The following SPON1 variants were observed in gnomAD, a reference collection of about 807,000 sequenced individuals.
SPON1 encodes the protein spondin 1, also known as spondin-1.
SPON1 carries 52 observed loss-of-function variants against 111.7 expected under a neutral mutation model. The ratio of observed to expected loss-of-function variants is 0.47; its 90% confidence interval spans 0.37 to 0.59. The LOEUF is 0.59. Among genes scored for constraint, SPON1 ranks in the 20% least tolerant of loss-of-function variants. The pLI is 0.00. For synonymous variants in SPON1, 410 were observed against 395.8 expected (o/e 1.04, Z -0.43); for missense variants, 957 against 1,068.5 (o/e 0.90, Z 1.46).
At chr11:14,172,380 G>A (rs1192609008) in intron 6 of SPON1, among the ~76,000 whole-genome samples, 8 of 151,514 alleles carry the variant, frequency 5.3e-5, no homozygotes, top group African/African-American at 1.9e-4. Context: ...TTGAGCCTAT[G>A]TGTGTCTCTG....
chr11:14,156,251 G>A lies in SPON1; in HGVS notation c.825+20683G>A, dbSNP rs190950557. On this transcript the variant is annotated intron_variant, in intron 6 of 15. Coordinates refer to ENST00000576479, the MANE Select transcript of SPON1 (RefSeq NM_006108.4). ...GCATTTCTCTGATGGCCGTGATGGTGAGCATTTTTTTCATGTGTTTTTTGG... is the reference window on the plus strand; with the variant it reads ...GCATTTCTCTGATGGCCGTGATGGTAAGCATTTTTTTCATGTGTTTTTTGG... Among the ~76,000 whole-genome samples, 1,263 of 146,980 alleles carry A rather than the reference G, an allele frequency of 8.6e-3. 20 individuals carry two copies. Among genetic ancestry groups the A allele is most frequent in the African/African-American group, 0.03 (1,180 of 39,970 alleles).
intron 1 of SPON1, among the ~76,000 whole-genome samples, chr11:13,975,902 T>C (rs1319532078): frequency 6.6e-6 from 1 of 152,140 alleles, no homozygotes; most frequent in Non-Finnish European, 1.5e-5. Flanking sequence ...AATTTCATCA[T>C]AATCTTCATC....
intron 2 of SPON1, among the ~76,000 whole-genome samples, chr11:14,010,293 T>G (rs1554913569): frequency 6.6e-6 from 1 of 151,592 alleles, no homozygotes; most frequent in Non-Finnish European, 1.5e-5. Flanking sequence ...AACCCTGTAG[T>G]AGATGCAAAA....
chr11:13,973,572 C>T (rs1237799585), intron 1 of SPON1, among the ~76,000 whole-genome samples: 1 of 152,218 alleles, frequency 6.6e-6, no homozygotes, highest in Non-Finnish European at 1.5e-5. Context: ...CTGCAATGTG[C>T]TTCATTGCAT....
chr11:14,095,051 CTCTT>C (rs1554923746), intron 5 of SPON1, among the ~76,000 whole-genome samples: 2 of 152,174 alleles, frequency 1.3e-5, no homozygotes, highest in African/African-American at 4.8e-5. Flanking sequence ...AATGGAGGTG[CTCTT>C]TCTTTTGAAA....
intron 5 of SPON1, among the ~76,000 whole-genome samples, 165 bp downstream of exon 5, chr11:14,080,186 A>G (rs527933570): frequency 5.9e-5 from 9 of 152,166 alleles, no homozygotes; most frequent in African/African-American, 2.2e-4. Context: ...GGCAGACATT[A>G]TATGGGTATG....
chr11:14,122,724 T>C (rs1333055196), intron 5 of SPON1, among the ~76,000 whole-genome samples: 2 of 152,210 alleles, frequency 1.3e-5, no homozygotes, highest in Non-Finnish European at 2.9e-5. Context: ...CATCAGAGCT[T>C]TTTAAAATAG....
chr11:14,192,245 GGA>G (rs1491089566), intron 6 of SPON1, among the ~76,000 whole-genome samples: 1 of 53,328 alleles, frequency 1.9e-5, no homozygotes, highest in Non-Finnish European at 4.7e-5. Context: ...GTATCATTAG[GGA>G]TATATATATA....
chr11:14,169,389 T>C (rs1437103620), intron 6 of SPON1, among the ~76,000 whole-genome samples: 1 of 152,114 alleles, frequency 6.6e-6, no homozygotes, highest in Non-Finnish European at 1.5e-5. Flanking sequence ...TTGTAGATTC[T>C]GGATATTAGC....
At chr11:14,084,632 A>G (rs1848991017) in intron 5 of SPON1, among the ~76,000 whole-genome samples, 2 of 152,216 alleles carry the variant, frequency 1.3e-5, no homozygotes, top group Admixed American at 6.5e-5. Context: ...TCTTTATAGT[A>G]GCATGATTTA....
At chr11:14,233,693 CCTG>C in intron 6 of SPON1, among the ~76,000 whole-genome samples, 1 of 151,852 alleles carries the variant, frequency 6.6e-6, no homozygotes, top group Middle Eastern at 3.4e-3. Flanking sequence ...TGGGACGGGA[CCTG>C]CCCTGGGATG....
Position 14,032,381 on chromosome 11 carries a change from C to A in SPON1, c.346-9140C>A, listed in dbSNP as rs542445210. On this transcript the variant is annotated intron_variant, in intron 2 of 15. Coordinates refer to ENST00000576479, the MANE Select transcript of SPON1 (RefSeq NM_006108.4). ...ATCTGTATGGAGTAATTATAAGAAG[C>A]TTATTTGTTTCCCCTCTTAAAAGTG... Among the ~76,000 whole-genome samples the A allele has an allele frequency of 1.3e-4, 20 of 152,212 alleles. No homozygotes were observed. In the South Asian group the frequency reaches 4.2e-3, roughly 32 times the overall value.
At chr11:14,194,439 A>C (rs1272985091) in intron 6 of SPON1, among the ~76,000 whole-genome samples, 2 of 152,136 alleles carry the variant, frequency 1.3e-5, no homozygotes, top group Non-Finnish European at 2.9e-5. Context: ...TCAAGGATAA[A>C]TTTCAGTGGT....
At chr11:14,190,645 T>TTTTTC (rs1554934458) in intron 6 of SPON1, among the ~76,000 whole-genome samples, 2 of 48,138 alleles carry the variant, frequency 4.2e-5, no homozygotes, top group Non-Finnish European at 9.7e-5. Flanking sequence ...TTTCTTTTTC[T>TTTTTC]TTTTTTTTTT....
chr11:14,247,535 C>T (rs1275885710), intron 7 of SPON1, among the ~76,000 whole-genome samples: 4 of 152,156 alleles, frequency 2.6e-5, no homozygotes, highest in African/African-American at 9.7e-5. Flanking sequence ...AGGGGGGCTA[C>T]TTCAGAAAAC....
intron 2 of SPON1, among the ~76,000 whole-genome samples, chr11:14,036,844 G>A (rs1167038725): frequency 6.6e-6 from 1 of 152,134 alleles, no homozygotes; most frequent in Non-Finnish European, 1.5e-5. Flanking sequence ...AAGGAGCTAT[G>A]GCACAGAAGG....
intron 5 of SPON1, among the ~76,000 whole-genome samples, chr11:14,110,494 C>T (rs150000862): frequency 1.3e-5 from 2 of 152,254 alleles, no homozygotes; most frequent in East Asian, 3.9e-4. Flanking sequence ...AATTAGCTCA[C>T]ACAATTACAA....
Position 14,251,637 on chromosome 11 carries a change from T to C in SPON1, c.891-2891T>C, listed in dbSNP as rs186924978. 3.9e-5 allele frequency among the ~76,000 whole-genome samples: 6 copies of C among 152,200 alleles called. No individual in the cohort carries two copies. The East Asian group carries it at 5.8e-4, about 15-fold the overall frequency. ...CCTACTTAGGAAGACAGGAAGGCAA[T>C]AGATGGAGCGGTCAGTCTCTATGAC... On this transcript the variant is annotated intron_variant, in intron 7 of 15. Coordinates refer to ENST00000576479, the MANE Select transcript of SPON1 (RefSeq NM_006108.4).
chr11:14,240,810 C>T (rs1848917040), intron 6 of SPON1, among the ~76,000 whole-genome samples: 1 of 152,184 alleles, frequency 6.6e-6, no homozygotes, highest in Non-Finnish European at 1.5e-5. Context: ...AGACTGTCAT[C>T]AGACAGTATC....
Sources: gnomAD v4.1 joint callset for allele counts (sites outside exome capture counted in the v4.1 genomes callset) on GRCh38, gnomAD v4.1.1 for gene constraint, MANE v1.5 for transcripts, NCBI Gene and HGNC (gene_info 2026-07-23, HGNC 2026-07-21) for gene names.